PALM2AKAP2: variants seen among roughly 807,000 people sequenced by gnomAD.
The protein encoded by PALM2AKAP2 is PALM2 and AKAP2 fusion, also known as PALM2-AKAP2 fusion protein.
In PALM2AKAP2, 37 loss-of-function variants were observed where a neutral mutation model predicts 71.5. The ratio of observed to expected loss-of-function variants is 0.52; its 90% CI spans 0.40 to 0.68. The LOEUF (loss-of-function observed/expected upper bound fraction) is 0.68. PALM2AKAP2 is among the 30% of genes least tolerant of loss of function. PALM2AKAP2 has a pLI of 0.00. For synonymous variants in PALM2AKAP2, 468 were observed against 478.8 expected (o/e 0.98, Z 0.29); for missense variants, 1,224 against 1,191.8 (o/e 1.03, Z -0.40).
chr9:109,851,995 C>G (rs1282315824), intron 1 of PALM2AKAP2, among the ~76,000 whole-genome samples: 3 of 152,076 alleles, frequency 2.0e-5, no homozygotes, highest in African/African-American at 7.2e-5. Flanking sequence ...GAAGTCAAGA[C>G]TTAATCCTAC....
At chr9:110,150,603 T>TAAA (rs1196389963) in intron 2 of PALM2AKAP2, among the ~76,000 whole-genome samples, 2 of 152,216 alleles carry the variant, frequency 1.3e-5, no homozygotes, top group African/African-American at 4.8e-5. Context: ...CAAAGTTCTT[T>TAAA]TTACCTCTAA....
chr9:110,018,517 G>A (rs1833020487), intron 7 of PALM2AKAP2, among the ~76,000 whole-genome samples: 1 of 152,028 alleles, frequency 6.6e-6, no homozygotes, highest in Non-Finnish European at 1.5e-5. Flanking sequence ...TTTTAGTAAA[G>A]ATGGGGTTTC....
At chr9:109,941,125 T>C (rs1439379858) in intron 6 of PALM2AKAP2, among the ~76,000 whole-genome samples, 1 of 150,998 alleles carries the variant, frequency 6.6e-6, no homozygotes, top group Non-Finnish European at 1.5e-5. Context: ...TCCCCTTCTC[T>C]TCTTCTTCTT....
intron 1 of PALM2AKAP2, among the ~76,000 whole-genome samples, chr9:109,666,665 G>T (rs1418999404): frequency 6.6e-6 from 1 of 152,178 alleles, no homozygotes; most frequent in Non-Finnish European, 1.5e-5. Flanking sequence ...ATTTGGATTT[G>T]CCATTACAGG....
chr9:109,980,799 A>G (rs1028816071), intron 6 of PALM2AKAP2, among the ~76,000 whole-genome samples: 1 of 152,380 alleles, frequency 6.6e-6, no homozygotes, highest in East Asian at 1.9e-4. Flanking sequence ...TGCCATTTCC[A>G]TAATGACTTA....
intron 1 of PALM2AKAP2, among the ~76,000 whole-genome samples, chr9:110,070,044 A>T (rs1322806448): frequency 6.6e-6 from 1 of 152,134 alleles, no homozygotes; most frequent in East Asian, 1.9e-4. Flanking sequence ...GGCCATCCCC[A>T]CTGGAGGGGC....
At chr9:109,796,817 A>C (rs1020146793) in intron 1 of PALM2AKAP2, among the ~76,000 whole-genome samples, 2 of 152,218 alleles carry the variant, frequency 1.3e-5, no homozygotes, top group Non-Finnish European at 2.9e-5. Context: ...ACCTCCCACC[A>C]GGTTCTGCCC....
intron 1 of PALM2AKAP2, among the ~76,000 whole-genome samples, chr9:109,661,343 A>C (rs1205585389): frequency 6.6e-6 from 1 of 152,112 alleles, no homozygotes; most frequent in Non-Finnish European, 1.5e-5. Flanking sequence ...TTTTTGTGTA[A>C]GGTGTAAGGA....
At chr9:110,042,096 C>T (rs970133530) in intron 7 of PALM2AKAP2, among the ~76,000 whole-genome samples, 1 of 152,060 alleles carries the variant, frequency 6.6e-6, no homozygotes, top group Non-Finnish European at 1.5e-5. Flanking sequence ...TAACATATGC[C>T]AGTCTTGGAT....
At chr9:110,055,170 G>T (rs1018490374) in intron 1 of PALM2AKAP2, among the ~76,000 whole-genome samples, 7 of 147,680 alleles carry the variant, frequency 4.7e-5, no homozygotes, top group African/African-American at 1.7e-4. Flanking sequence ...TAGTTTTTTA[G>T]TTTTTTTTTT....
intron 1 of PALM2AKAP2, among the ~76,000 whole-genome samples, chr9:109,657,198 G>A (rs1303272217): frequency 6.6e-6 from 1 of 152,218 alleles, no homozygotes; most frequent in East Asian, 1.9e-4. Flanking sequence ...CTGTGAGATT[G>A]TTTCAGATTC....
At chr9:109,821,671 T>C (rs1828010608) in intron 1 of PALM2AKAP2, among the ~76,000 whole-genome samples, 1 of 152,138 alleles carries the variant, frequency 6.6e-6, no homozygotes, top group South Asian at 2.1e-4. Context: ...CCCCAGCAAA[T>C]TGACAAGGTG....
chr9:109,648,427 A>G (rs1827181880), intron 1 of PALM2AKAP2, among the ~76,000 whole-genome samples: 1 of 152,244 alleles, frequency 6.6e-6, no homozygotes, highest in South Asian at 2.1e-4. Context: ...CACTGAGAAT[A>G]CAGCAGTAAA....
intron 6 of PALM2AKAP2, among the ~76,000 whole-genome samples, chr9:110,002,595 C>T (rs1832701038): frequency 6.6e-6 from 1 of 152,074 alleles, no homozygotes. Flanking sequence ...GGAATAGTTT[C>T]AGAAGGAATG....
chr9:109,719,652 C>T (rs188889752), intron 1 of PALM2AKAP2, among the ~76,000 whole-genome samples: 1 of 152,258 alleles, frequency 6.6e-6, no homozygotes, highest in East Asian at 1.9e-4. Context: ...GAGGATCAAA[C>T]ACAAGATCAA....
intron 7 of PALM2AKAP2, among the ~76,000 whole-genome samples, chr9:110,023,630 A>G (rs1833118129): frequency 6.6e-6 from 1 of 151,788 alleles, no homozygotes; most frequent in African/African-American, 2.4e-5. Context: ...GCACTTTCTA[A>G]CAAGCATTGC....
intron 1 of PALM2AKAP2, among the ~76,000 whole-genome samples, chr9:109,642,609 G>C (rs1482865046): frequency 6.6e-6 from 1 of 151,636 alleles, no homozygotes; most frequent in Non-Finnish European, 1.5e-5. Context: ...CCAGGCTGGA[G>C]TGCAATGGCG....
At chr9:109,924,749 T>G (rs1830913567) in intron 4 of PALM2AKAP2, among the ~76,000 whole-genome samples, 1 of 152,130 alleles carries the variant, frequency 6.6e-6, no homozygotes, top group Non-Finnish European at 1.5e-5. Context: ...TACCTATGAG[T>G]GACAGAAAAG....
At chr9:110,141,360 G>C (rs977405156) in intron 2 of PALM2AKAP2, among the ~76,000 whole-genome samples, 5 of 152,110 alleles carry the variant, frequency 3.3e-5, no homozygotes, top group African/African-American at 1.2e-4. Flanking sequence ...TCTTGATGTC[G>C]TATTGAGTAC....
Sources: gnomAD v4.1 joint callset for allele counts (sites outside exome capture counted in the v4.1 genomes callset) on GRCh38, gnomAD v4.1.1 for gene constraint, MANE v1.5 for transcripts, NCBI Gene and HGNC (gene_info 2026-07-23, HGNC 2026-07-21) for gene names.